Variants in FBXW10B observed in about 807,000 individuals in gnomAD.
The protein encoded by FBXW10B is F-box and WD repeat domain containing 10B, also known as F-box and WD repeat domain containing protein 10B.
At chr17:15,609,852 C>CTTTTTTTTTTTTTTTTTTT in the FBXW10B span, among the ~76,000 whole-genome samples, 2 of 103,182 alleles carry the variant, frequency 1.9e-5, no homozygotes, top group Non-Finnish European at 1.8e-5. Flanking sequence ...TTCTTTCTTT[C>CTTTTTTTTTTTTTTTTTTT]TTTTTTTTTT....
chr17:15,573,918 A>G, the FBXW10B span: 10 of 462,088 alleles, frequency 2.2e-5, no homozygotes, highest in Non-Finnish European at 2.3e-5. Flanking sequence ...AACAAAATCA[A>G]TGCAATGACA....
chr17:15,583,848 T>G, the FBXW10B span, among the ~76,000 whole-genome samples: 1 of 151,608 alleles, frequency 6.6e-6, no homozygotes, highest in African/African-American at 2.4e-5. Flanking sequence ...AGTAAACTTG[T>G]CTTATTTTAA....
the FBXW10B span, chr17:15,594,710 A>G: frequency 6.2e-7 from 1 of 1,609,616 alleles, no homozygotes; most frequent in East Asian, 2.2e-5. Context: ...GAAGGGAAGG[A>G]CACCAGGTTC....
At chr17:15,585,032 A>G in the FBXW10B span, among the ~76,000 whole-genome samples, 1 of 143,926 alleles carries the variant, frequency 6.9e-6, no homozygotes. Flanking sequence ...TATCAGCCAC[A>G]TTTTTCTCCC....
At chr17:15,580,284 A>G in the FBXW10B span, among the ~76,000 whole-genome samples, 1 of 152,118 alleles carries the variant, frequency 6.6e-6, no homozygotes, top group East Asian at 1.9e-4. Context: ...TTTTTTTGCA[A>G]TATTATCACA....
the FBXW10B span, among the ~76,000 whole-genome samples, chr17:15,601,540 G>A: frequency 2.0e-5 from 3 of 151,982 alleles, no homozygotes; most frequent in South Asian, 4.1e-4. Context: ...ATTTCTCTAT[G>A]CCAGCAATAA....
the FBXW10B span, among the ~76,000 whole-genome samples, chr17:15,592,830 C>T: frequency 1.1e-4 from 16 of 152,188 alleles, no homozygotes; most frequent in South Asian, 2.9e-3. Context: ...ACAGGCCGGG[C>T]GCGGTGGCTC....
the FBXW10B span, among the ~76,000 whole-genome samples, chr17:15,576,654 A>G: frequency 6.6e-6 from 1 of 152,228 alleles, no homozygotes; most frequent in African/African-American, 2.4e-5. Flanking sequence ...AATACATGTC[A>G]GCATTAGTTT....
the FBXW10B span, among the ~76,000 whole-genome samples, chr17:15,612,113 G>C: frequency 6.6e-6 from 1 of 152,286 alleles, no homozygotes; most frequent in Non-Finnish European, 1.5e-5. Flanking sequence ...TGGTGCCATG[G>C]ACACAAAACA....
chr17:15,565,989 A>G, the FBXW10B span: 1 of 1,610,874 alleles, frequency 6.2e-7, no homozygotes, highest in Non-Finnish European at 8.5e-7. Context: ...GGGCTCTAGG[A>G]CTGTGCAAAG....
At chr17:15,579,038 G>A in the FBXW10B span, among the ~76,000 whole-genome samples, 30 of 151,532 alleles carry the variant, frequency 2.0e-4, no homozygotes, top group South Asian at 2.9e-3. Context: ...TCTCTGCACC[G>A]AACATCATGA....
At chr17:15,582,851 C>T in the FBXW10B span, among the ~76,000 whole-genome samples, 2 of 151,806 alleles carry the variant, frequency 1.3e-5, no homozygotes, top group African/African-American at 4.9e-5. Flanking sequence ...ATGTGCTCCA[C>T]CAATGCATTT....
chr17:15,566,705 C>T, the FBXW10B span, among the ~76,000 whole-genome samples: 5 of 151,732 alleles, frequency 3.3e-5, no homozygotes, highest in Non-Finnish European at 7.4e-5. Flanking sequence ...AGACTACAGG[C>T]GTCCGCCACC....
the FBXW10B span, chr17:15,598,398 T>TGGGG: frequency 8.6e-7 from 1 of 1,161,388 alleles, no homozygotes; most frequent in African/African-American, 2.3e-5. Flanking sequence ...GATGGGTGGG[T>TGGGG]GGGTGGGTGG....
chr17:15,601,525 A>G, the FBXW10B span, among the ~76,000 whole-genome samples: 14 of 152,160 alleles, frequency 9.2e-5, no homozygotes, highest in South Asian at 2.1e-4. Flanking sequence ...ACAAAAATCA[A>G]TTGCATTTCT....
chr17:15,583,028 CTT>C, the FBXW10B span, among the ~76,000 whole-genome samples: 1 of 149,168 alleles, frequency 6.7e-6, no homozygotes, highest in African/African-American at 2.5e-5. Context: ...GCTTGTCTCT[CTT>C]TGCTGACTTC....
chr17:15,613,794 G>A, the FBXW10B span: 1 of 1,612,066 alleles, frequency 6.2e-7, no homozygotes. Context: ...GGCCAAGAGG[G>A]GAGGTGTCTG....
chr17:15,573,140 G>C, the FBXW10B span: 2 of 152,174 alleles, frequency 1.3e-5, no homozygotes, highest in Non-Finnish European at 2.9e-5. Context: ...TTGTTACAGT[G>C]CTATAGCTCT....
the FBXW10B span, among the ~76,000 whole-genome samples, chr17:15,600,774 G>T: frequency 1.2e-4 from 19 of 152,106 alleles, no homozygotes; most frequent in African/African-American, 4.3e-4. Context: ...TGTCGGCCGG[G>T]CGCGGTGGCT....
Sources: allele counts gnomAD v4.1 joint callset (sites outside exome capture counted in the v4.1 genomes callset), GRCh38; gene constraint gnomAD v4.1.1; transcripts MANE v1.5; gene names NCBI Gene and HGNC (gene_info 2026-07-23, HGNC 2026-07-21).